Variants in PCDHGA7 observed in about 807,000 individuals in gnomAD.
The protein encoded by PCDHGA7 is protocadherin gamma-A7.
In PCDHGA7, 44 loss-of-function variants were observed where a neutral mutation model predicts 58.3. The ratio of observed to expected loss-of-function variants is 0.75; its 90% CI spans 0.59 to 0.97. The LOEUF (loss-of-function observed/expected upper bound fraction) is 0.97. Ranked by LOEUF, PCDHGA7 falls within the 50% of genes least tolerant of loss-of-function variation. The pLI is 0.00. For missense variants in PCDHGA7, 1,266 were observed against 1,188.7 expected (o/e 1.06, Z -0.96); for synonymous variants, 516 against 504.2 (o/e 1.02, Z -0.31).
chr5:141,510,958 G>A lies in PCDHGA7; in HGVS notation c.2584G>A (p.Gly862Arg). 6.2e-7 allele frequency: 1 copy of A among 1,614,130 alleles called. No homozygotes were observed. Among genetic ancestry groups the A allele is most frequent in the Non-Finnish European group, 8.5e-7 (1 of 1,180,012 alleles). The change falls in exon 4 of 4, where the codon GGG becomes AGG. Residue 862 changes from glycine to arginine, a missense_variant. Transcript: ENST00000518325. The stretch of plus-strand genomic sequence containing the variant: ...CTCTGTCTCTGCAGAAGCTGCTGAT[G>A]GGAGCTCCACCCTGGGAGGGGGTGC... ...ILASASEAAD[G>R]SSTLGGGAGT...
chr5:141,427,046 C>A (rs916723344), intron 1 of PCDHGA7: 6 of 457,244 alleles, frequency 1.3e-5, no homozygotes, highest in African/African-American at 2.0e-5. Flanking sequence ...AGAATGTGCC[C>A]CCAGGCACCT....
chr5:141,472,268 A>G (rs399559), intron 1 of PCDHGA7, among the ~76,000 whole-genome samples: 152,324 of 152,332 alleles, frequency 1, 76,158 homozygotes, highest in Middle Eastern at 1. Flanking sequence ...ATAGCCGGGC[A>G]CAGTGGCTCA....
chr5:141,431,265 G>A lies in PCDHGA7; in HGVS notation c.2424+45942G>A. 2 of 1,614,168 alleles carry A rather than the reference G, an allele frequency of 1.2e-6. No homozygotes were observed. On this transcript the variant is annotated intron_variant, in intron 1 of 3. Transcript: ENST00000518325. This position sits in a 1 kb window ranked among gnomAD's most constrained non-coding sequence, Gnocchi z 4.8. ...GATATCGGGAAGAACTCTCTGCAGA[G>A]CTACGAGCTCAGCCCGAACACTCAC...
chr5:141,419,069 C>G, intron 1 of PCDHGA7: 1 of 1,613,912 alleles, frequency 6.2e-7, no homozygotes, highest in Admixed American at 1.7e-5. Context: ...TTACTACAAG[C>G]TAGTAACAGA....
intron 1 of PCDHGA7, chr5:141,422,019 G>C: frequency 6.2e-7 from 1 of 1,610,862 alleles, no homozygotes; most frequent in Non-Finnish European, 8.5e-7. Context: ...GGGTGCTGAT[G>C]GTTAATGCAA....
At chr5:141,430,837 C>G (rs1350348914) in intron 1 of PCDHGA7, 1 of 1,560,074 alleles carries the variant, frequency 6.4e-7, no homozygotes, top group Non-Finnish European at 8.6e-7. Context: ...TGTGGGAGAC[C>G]GGATGCACCC....
At chr5:141,393,028 C>T in intron 1 of PCDHGA7, 6 of 1,613,768 alleles carry the variant, frequency 3.7e-6, no homozygotes, top group Non-Finnish European at 5.1e-6. Context: ...AGAGGTAGGA[C>T]GCAGCTCTTT....
Position 141,491,717 on chromosome 5 carries a change from C to A in PCDHGA7, c.2425-3090C>A. ...CGGAGCCAGGTGAGGGGCTCGGCGC[C>A]GCCCCGGGCGACCCCTGGGGGCGGC... On this transcript the variant is annotated intron_variant, in intron 1 of 3. Coordinates refer to ENST00000518325, the MANE Select transcript of PCDHGA7 (RefSeq NM_018920.4). The surrounding 1 kb of genome is among the most constrained non-coding windows in gnomAD (Gnocchi z 6.9). 1 of 1,607,940 alleles carries A rather than the reference C, an allele frequency of 6.2e-7. No individual in the cohort carries two copies. Among genetic ancestry groups the A allele is most frequent in the Middle Eastern group, 1.7e-4 (1 of 6,010 alleles).
At chr5:141,471,444 A>G (rs1366430114) in intron 1 of PCDHGA7, 1 of 152,150 alleles carries the variant, frequency 6.6e-6, no homozygotes, top group Non-Finnish European at 1.5e-5. Context: ...AATCTCATGT[A>G]CCTTTTGAAA....
At chr5:141,448,926 C>T (rs528128105) in intron 1 of PCDHGA7, among the ~76,000 whole-genome samples, 5 of 152,256 alleles carry the variant, frequency 3.3e-5, no homozygotes, top group African/African-American at 9.6e-5. Context: ...GCCTGGGCGA[C>T]AGAGCAAGAC....
chr5:141,462,999 C>T (rs1360054048), intron 1 of PCDHGA7, among the ~76,000 whole-genome samples: 1 of 152,068 alleles, frequency 6.6e-6, no homozygotes, highest in Non-Finnish European at 1.5e-5. Flanking sequence ...TAATTTAGAC[C>T]TACCACTTAA....
rs2099391466 is a variant in PCDHGA7, at chr5:141,476,424, C to T, written c.2425-18383C>T. ...GAGGAGCTGTGTGGGACACTGCCCT[C>T]TTGCACTGTAACTCTGGAGTTGGTA... is the stretch of plus-strand genomic sequence containing the variant. On this transcript the variant is annotated intron_variant, in intron 1 of 3. Coordinates refer to ENST00000518325, the MANE Select transcript of PCDHGA7 (RefSeq NM_018920.4). This position sits in a 1 kb window ranked among gnomAD's most constrained non-coding sequence, Gnocchi z 7.6. 1 of 1,613,978 alleles carries T rather than the reference C, an allele frequency of 6.2e-7. No individual in the cohort carries two copies. The highest frequency in any genetic ancestry group is 1.1e-5 in the South Asian group (1 of 91,076).
At position 141,409,627 on chromosome 5, in the gene PCDHGA7, C is replaced by A. The variant is rs761778894; in HGVS notation, c.2424+24304C>A. ...CAGGAGCCTCCATTGCGCAAGTGAG[C>A]GCCTCTGACCCGGATTTGGGGCTCA... On this transcript the variant is annotated intron_variant, in intron 1 of 3. Coordinates refer to ENST00000518325, the MANE Select transcript of PCDHGA7 (RefSeq NM_018920.4). 5.0e-5 allele frequency: 80 copies of A among 1,613,716 alleles called. No individual in the cohort carries two copies. The Admixed American group carries it at 1.2e-3, about 24-fold the overall frequency.
chr5:141,448,945 A>G (rs1288079348), intron 1 of PCDHGA7, among the ~76,000 whole-genome samples: 1 of 151,716 alleles, frequency 6.6e-6, no homozygotes, highest in Non-Finnish European at 1.5e-5. Context: ...ACTGCAACTC[A>G]AAAAAACAAA....
chr5:141,389,647 AG>A, intron 1 of PCDHGA7: 10 of 1,612,908 alleles, frequency 6.2e-6, no homozygotes, highest in Non-Finnish European at 8.5e-6. Flanking sequence ...TTGGTGACCA[AG>A]GTAGTGGCGG....
intron 1 of PCDHGA7, chr5:141,410,024 G>A (rs771946302): frequency 1.9e-6 from 3 of 1,613,164 alleles, no homozygotes; most frequent in South Asian, 1.1e-5. Context: ...GTCCTACCAC[G>A]TGCTGCAGGC....
chr5:141,453,387 G>A (rs1313174494), intron 1 of PCDHGA7, among the ~76,000 whole-genome samples: 1 of 151,936 alleles, frequency 6.6e-6, no homozygotes, highest in Non-Finnish European at 1.5e-5. Flanking sequence ...TCCTGCCTTA[G>A]CCTCCAAGTG....
intron 1 of PCDHGA7, chr5:141,418,920 A>G: frequency 6.2e-7 from 1 of 1,613,992 alleles, no homozygotes; most frequent in Non-Finnish European, 8.5e-7. Flanking sequence ...TCACTCTCTG[A>G]TCAGATTATG....
Position 141,491,383 on chromosome 5 carries a change from A to C in PCDHGA7, c.2425-3424A>C. The C allele has an allele frequency of 6.2e-7, 1 of 1,614,036 alleles. No individual in the cohort carries two copies. The highest frequency in any genetic ancestry group is 8.5e-7 in the Non-Finnish European group (1 of 1,179,962). ...AGTCACCTTCACCTTTCTGTCAGCG[A>C]AGTGCCTTCAGGGAAACGCAGACGG... On this transcript the variant is annotated intron_variant, in intron 1 of 3. Transcript: ENST00000518325. This position sits in a 1 kb window ranked among gnomAD's most constrained non-coding sequence, Gnocchi z 6.9.
Sources: gnomAD v4.1 joint callset for allele counts (sites outside exome capture counted in the v4.1 genomes callset) on GRCh38, gnomAD v4.1.1 for gene constraint, Gnocchi (gnomAD v3.1) non-coding constraint, MANE v1.5 for transcripts, NCBI Gene and HGNC (gene_info 2026-07-23, HGNC 2026-07-21) for gene names.